The following ZSCAN25 variants were observed in gnomAD, a reference collection of about 807,000 sequenced individuals.
ZSCAN25 encodes zinc finger and SCAN domain containing 25.
A neutral mutation model predicts 38.7 loss-of-function variants in ZSCAN25; 27 were observed. That is an observed-to-expected ratio of 0.70 (90% CI 0.51 to 0.96). ZSCAN25 has a LOEUF of 0.96. Ranked by LOEUF, ZSCAN25 falls within the 40% of genes least tolerant of loss-of-function variation. The pLI is 0.00. For missense variants in ZSCAN25, 637 were observed against 705.9 expected, an observed-to-expected ratio of 0.90 and a Z score of 1.11; for synonymous variants, 273 against 277.7, an observed-to-expected ratio of 0.98 and a Z score of 0.17.
At chr7:99,695,700 T>C in the ZSCAN25 span, 1 of 1,521,628 alleles carries the variant, frequency 6.6e-7, no homozygotes, top group South Asian at 1.1e-5. Flanking sequence ...ACTAAGCTGC[T>C]CTCTCCAATC....
At chr7:99,719,108 G>C in the ZSCAN25 span, among the ~76,000 whole-genome samples, 1 of 152,138 alleles carries the variant, frequency 6.6e-6, no homozygotes, top group Non-Finnish European at 1.5e-5. Flanking sequence ...TTCAATTCTT[G>C]TTAAAATAAC....
chr7:99,686,564 G>C, the ZSCAN25 span, among the ~76,000 whole-genome samples: 1 of 152,196 alleles, frequency 6.6e-6, no homozygotes, highest in African/African-American at 2.4e-5. Flanking sequence ...GCCTCTTTAG[G>C]CTCCACCTCT....
the ZSCAN25 span, among the ~76,000 whole-genome samples, chr7:99,651,045 A>AT: frequency 1.3e-5 from 2 of 152,210 alleles, no homozygotes; most frequent in African/African-American, 4.8e-5. Flanking sequence ...AGGAGTCTTT[A>AT]TATTTTGGAG....
the ZSCAN25 span, among the ~76,000 whole-genome samples, chr7:99,688,437 A>G: frequency 0.036 from 5,519 of 152,294 alleles, 312 homozygotes; most frequent in African/African-American, 0.12. Context: ...GCCATTACAT[A>G]AAGGTAAAGG....
In ZSCAN25 at chr7:99,631,728, C is replaced by A; in HGVS notation, c.*1708C>A. Reference sequence around the variant, plus strand: ...GGTTTTATCACCTGTTCTTGTTAGGCAGCATGGTGTCTAATTTTGGCTTAG... The same window carrying A: ...GGTTTTATCACCTGTTCTTGTTAGGAAGCATGGTGTCTAATTTTGGCTTAG... On this transcript the variant is annotated 3_prime_UTR_variant, in exon 8 of 8. Coordinates refer to ENST00000394152, the MANE Select transcript of ZSCAN25 (RefSeq NM_145115.3). 3.0e-6 allele frequency: 3 copies of A among 985,356 alleles called. No individual in the cohort carries two copies. The highest frequency in any genetic ancestry group is 3.6e-6 in the Non-Finnish European group (3 of 829,940). The allele number at this position is 985,356 out of a possible 1,614,324, so 61.0% of individuals were successfully genotyped here.
chr7:99,695,675 A>T, the ZSCAN25 span: 1 of 1,275,932 alleles, frequency 7.8e-7, no homozygotes, highest in Non-Finnish European at 1.1e-6. Flanking sequence ...GAGGAGAAGC[A>T]GTTTTACTGA....
At chr7:99,716,987 C>T in the ZSCAN25 span, among the ~76,000 whole-genome samples, 2 of 152,298 alleles carry the variant, frequency 1.3e-5, no homozygotes, top group African/African-American at 4.8e-5. Flanking sequence ...GGGAGAAGAT[C>T]CTTTTCCTCC....
chr7:99,624,723 G>C (rs187490963), intron 7 of ZSCAN25, among the ~76,000 whole-genome samples: 10 of 152,306 alleles, frequency 6.6e-5, no homozygotes, highest in Admixed American at 6.5e-4. Context: ...GGTGGTGGCT[G>C]GGTTTGACCT....
the ZSCAN25 span, chr7:99,647,398 TA>T: frequency 1.3e-6 from 1 of 781,604 alleles, no homozygotes; most frequent in Non-Finnish European, 1.6e-6. Context: ...AATGAAAGAA[TA>T]AAAAAGGAAA....
At chr7:99,637,844 A>G in the ZSCAN25 span, among the ~76,000 whole-genome samples, 1 of 152,252 alleles carries the variant, frequency 6.6e-6, no homozygotes, top group South Asian at 2.1e-4. Flanking sequence ...AATGCAAAAT[A>G]AGCCATCTAC....
the ZSCAN25 span, chr7:99,700,138 CT>C: frequency 1.3e-6 from 1 of 772,508 alleles, no homozygotes; most frequent in Non-Finnish European, 2.3e-6. Flanking sequence ...GCACAGCAGT[CT>C]TAGGTCAAGC....
chr7:99,642,872 T>C, the ZSCAN25 span, among the ~76,000 whole-genome samples: 3 of 152,194 alleles, frequency 2.0e-5, no homozygotes, highest in African/African-American at 7.2e-5. Context: ...TCAGATTGTT[T>C]TGTTAAATGG....
chr7:99,676,481 G>T, the ZSCAN25 span: 1 of 1,405,760 alleles, frequency 7.1e-7, no homozygotes, highest in Non-Finnish European at 9.5e-7. Context: ...GTCCTCAAAT[G>T]CTCCTGAGAG....
intron 7 of ZSCAN25, among the ~76,000 whole-genome samples, chr7:99,627,439 C>T (rs1021406702): frequency 2.6e-5 from 4 of 152,078 alleles, no homozygotes; most frequent in Non-Finnish European, 5.9e-5. Context: ...ATCTGTATAT[C>T]TATCTATATA....
At chr7:99,733,607 CAG>C in the ZSCAN25 span, among the ~76,000 whole-genome samples, 3 of 152,190 alleles carry the variant, frequency 2.0e-5, no homozygotes, top group East Asian at 3.9e-4. Flanking sequence ...CAGCCACACA[CAG>C]AGTGACACTG....
At chr7:99,682,928 A>G in the ZSCAN25 span, among the ~76,000 whole-genome samples, 6 of 152,188 alleles carry the variant, frequency 3.9e-5, no homozygotes, top group African/African-American at 1.4e-4. Context: ...CACTGTTGGC[A>G]TGCAGAAATG....
chr7:99,656,262 C>A, the ZSCAN25 span, among the ~76,000 whole-genome samples: 1 of 152,140 alleles, frequency 6.6e-6, no homozygotes, highest in Admixed American at 6.5e-5. Flanking sequence ...TCCATCAATA[C>A]CTAATTTATT....
At chr7:99,663,462 C>T in the ZSCAN25 span, 25 of 989,940 alleles carry the variant, frequency 2.5e-5, no homozygotes, top group Non-Finnish European at 3.0e-5. Context: ...GCCTTGCAAC[C>T]TCAATTCTCA....
chr7:99,620,917 T>A (rs1261242257), intron 4 of ZSCAN25: 1 of 152,964 alleles, frequency 6.5e-6, no homozygotes, highest in Non-Finnish European at 1.5e-5. Context: ...GCCTGGCTAA[T>A]TTTTTTATTT....
Sources: allele counts gnomAD v4.1 joint callset (sites outside exome capture counted in the v4.1 genomes callset), GRCh38; gene constraint gnomAD v4.1.1; transcripts MANE v1.5; gene names NCBI Gene and HGNC (gene_info 2026-07-23, HGNC 2026-07-21).